NEBL: variants seen among roughly 807,000 people sequenced by gnomAD.
NEBL encodes LIM and SH3 protein 2.
Under a neutral mutation model 140.2 loss-of-function variants are expected in NEBL, and 122 were observed. The observed-to-expected ratio is 0.87, with a 90% confidence interval of 0.75 to 1.01. NEBL has a LOEUF of 1.01. Among genes scored for constraint, NEBL ranks in the 50% least tolerant of loss-of-function variants. The pLI is 0.00. For missense variants in NEBL, 1,365 were observed against 1,231.3 expected, an observed-to-expected ratio of 1.11 and a Z score of -1.62; for synonymous variants, 436 against 398.9, an observed-to-expected ratio of 1.09 and a Z score of -1.11.
chr10:21,023,878 C>A (rs12268405), intron 2 of NEBL, among the ~76,000 whole-genome samples: 1 of 151,950 alleles, frequency 6.6e-6, no homozygotes, highest in Non-Finnish European at 1.5e-5. Context: ...TAGTAATGAA[C>A]TTCACTTGCT....
At chr10:20,951,688 T>A (rs1227274377) in intron 4 of NEBL, among the ~76,000 whole-genome samples, 1 of 152,166 alleles carries the variant, frequency 6.6e-6, no homozygotes, top group South Asian at 2.1e-4. Flanking sequence ...TAAAACTTCA[T>A]TGACATTATA....
At position 21,234,008 on chromosome 10, in the gene NEBL, G is replaced by GAGATAGATAGATAGAT. The variant is rs35919028; in HGVS notation, n.348+13897_348+13912dup. On this transcript the variant is annotated intron_variant and non_coding_transcript_variant, in intron 3 of 8. Transcript: ENST00000675702. ...TAAGTAGTATAATTTAGGAGATTGT[G>GAGATAGATAGATAGAT]AGATAGATAGATAGATAGATAGATA... 1.4e-3 allele frequency among the ~76,000 whole-genome samples: 190 copies of GAGATAGATAGATAGAT among 139,562 alleles called. 1 individual carries two copies. The highest frequency in any genetic ancestry group is 4.0e-3 in the East Asian group (19 of 4,704). The allele number at this position is 139,562 out of a possible 152,430, so 91.6% of individuals were successfully genotyped here. A position where few individuals can be genotyped will look rare whatever the true frequency, so the allele number is the denominator to read the frequency against.
chr10:20,990,402 G>A (rs1837413871), intron 3 of NEBL, among the ~76,000 whole-genome samples: 1 of 152,138 alleles, frequency 6.6e-6, no homozygotes, highest in South Asian at 2.1e-4. Flanking sequence ...CAGGGACCTC[G>A]TGATTGGGAT....
chr10:20,833,084 T>G (rs939275701), intron 14 of NEBL, among the ~76,000 whole-genome samples: 7 of 152,212 alleles, frequency 4.6e-5, no homozygotes, highest in Non-Finnish European at 8.8e-5. Flanking sequence ...AATGTAAATG[T>G]GTTCTAAAGC....
intron 2 of NEBL, among the ~76,000 whole-genome samples, chr10:21,062,385 G>C (rs1016144260): frequency 4.6e-5 from 7 of 152,138 alleles, no homozygotes; most frequent in Admixed American, 4.6e-4. Context: ...TTCCTGGCTG[G>C]TGTAGTGGCT....
At chr10:21,287,794 C>CAA (rs1039354889) in intron 1 of NEBL, among the ~76,000 whole-genome samples, 1 of 151,678 alleles carries the variant, frequency 6.6e-6, no homozygotes, top group Admixed American at 6.6e-5. Context: ...TCAACAACAA[C>CAA]AAAAAAATTG....
intron 1 of NEBL, among the ~76,000 whole-genome samples, chr10:21,292,204 CTTTGTATAAAAGTTTAT>C (rs1409747147): frequency 6.6e-6 from 1 of 152,124 alleles, no homozygotes; most frequent in Non-Finnish European, 1.5e-5. Context: ...TAAGGCTCTG[CTTTGTATAAAAGTTTAT>C]TTTGTATAAA....
At chr10:20,948,884 C>T (rs1032699159) in intron 4 of NEBL, among the ~76,000 whole-genome samples, 3 of 152,210 alleles carry the variant, frequency 2.0e-5, no homozygotes, top group Admixed American at 6.5e-5. Context: ...GGGCCAAGAA[C>T]GCCAAAGGTG....
chr10:20,912,866 C>T (rs1848385897), intron 4 of NEBL, among the ~76,000 whole-genome samples: 1 of 150,056 alleles, frequency 6.7e-6, no homozygotes, highest in African/African-American at 2.5e-5. Context: ...TCATGGGGGC[C>T]ATAGTATGCC....
chr10:20,938,984 G>T (rs1041200843), intron 4 of NEBL, among the ~76,000 whole-genome samples: 1 of 152,144 alleles, frequency 6.6e-6, no homozygotes, highest in Non-Finnish European at 1.5e-5. Flanking sequence ...AAAGTGATGG[G>T]GAGAATGGAA....
At chr10:20,978,741 C>T (rs1038808221) in intron 3 of NEBL, among the ~76,000 whole-genome samples, 4 of 147,758 alleles carry the variant, frequency 2.7e-5, no homozygotes, top group Admixed American at 1.3e-4. Context: ...GAAGCCAGAG[C>T]GAGACCCTAT....
At chr10:20,887,859 A>G (rs1008819265) in intron 4 of NEBL, among the ~76,000 whole-genome samples, 1 of 152,264 alleles carries the variant, frequency 6.6e-6, no homozygotes, top group Non-Finnish European at 1.5e-5. Context: ...GATTTGCTCT[A>G]TAAATTGCAT....
intron 4 of NEBL, among the ~76,000 whole-genome samples, chr10:20,959,073 T>C (rs1835936634): frequency 6.6e-6 from 1 of 152,194 alleles, no homozygotes; most frequent in Non-Finnish European, 1.5e-5. Context: ...ATTCACTGCT[T>C]TATGTCTTTA....
chr10:21,196,297 G>A (rs146160377), intron 3 of NEBL, among the ~76,000 whole-genome samples: 3,107 of 146,666 alleles, frequency 0.021, 119 homozygotes, highest in African/African-American at 0.073. Context: ...CCACCACGCC[G>A]GGCCTATATT....
intron 4 of NEBL, among the ~76,000 whole-genome samples, chr10:20,936,603 G>C (rs1262622645): frequency 6.6e-6 from 1 of 152,206 alleles, no homozygotes; most frequent in East Asian, 1.9e-4. Context: ...CCAAGGGACA[G>C]CTCCTTCTCT....
At position 21,082,472 on chromosome 10, in the gene NEBL, TA is replaced by T. The variant is rs1351986673; in HGVS notation, c.165-62272del. 2.1e-5 allele frequency among the ~76,000 whole-genome samples: 3 copies of T among 145,986 alleles called. No homozygotes were observed. The Admixed American group carries it at 2.1e-4, about 10-fold the overall frequency. ...ACTTACTTTCAAGTGATTTCAGGAATAAAAATGTTCTTTGTAGTGTACTGAA... is the reference window on the plus strand; with the variant it reads ...ACTTACTTTCAAGTGATTTCAGGAATAAAATGTTCTTTGTAGTGTACTGAA... On this transcript the variant is annotated intron_variant, in intron 2 of 6. Coordinates refer to the NEBL transcript ENST00000417816.
chr10:21,188,598 C>CT (rs774673307), intron 3 of NEBL, among the ~76,000 whole-genome samples: 19,375 of 125,856 alleles, frequency 0.15, 1,685 homozygotes, highest in African/African-American at 0.18. Context: ...ATAGTAAAAT[C>CT]TTTTTTTTTT....
At chr10:20,838,398 G>A (rs775674240) in intron 13 of NEBL, among the ~76,000 whole-genome samples, 1 of 152,216 alleles carries the variant, frequency 6.6e-6, no homozygotes, top group Non-Finnish European at 1.5e-5. Context: ...ACTTGAAAAT[G>A]TGACTGAACT....
rs1356025751 is a variant in NEBL, at chr10:20,888,117, C to CT, written c.348dup (p.Val117SerfsTer7). The CT allele has an allele frequency of 6.2e-7, 1 of 1,612,636 alleles. No homozygotes were observed. The highest frequency in any genetic ancestry group is 1.3e-5 in the African/African-American group (1 of 74,888). ...CCTACCTCACTCTGGAGCTGTGTAA[C>CT]TTCTCCTGCAAAAACACTGTCAATT... On this transcript the variant is annotated frameshift_variant, in exon 4 of 28. Transcript: ENST00000377122. LOFTEE classifies it high-confidence loss of function.
Sources: allele counts gnomAD v4.1 joint callset (sites outside exome capture counted in the v4.1 genomes callset), GRCh38; gene constraint gnomAD v4.1.1; transcripts MANE v1.5; gene names NCBI Gene and HGNC (gene_info 2026-07-23, HGNC 2026-07-21).